The following UBAP1 variants were observed in gnomAD, a reference collection of about 807,000 sequenced individuals.
UBAP1 encodes the protein ubiquitin associated protein 1.
A neutral mutation model predicts 39.0 loss-of-function variants in UBAP1; 5 were observed. The observed-to-expected ratio is 0.13, with a 90% CI of 0.07 to 0.27. The LOEUF is 0.27. Ranked by LOEUF, UBAP1 falls within the 10% of genes least tolerant of loss-of-function variation. The probability of loss-of-function intolerance (pLI) is 1.00; values close to 1 mark genes in which losing one functional copy is unlikely to be tolerated. For missense variants in UBAP1, 490 were observed against 608.1 expected, an observed-to-expected ratio of 0.81 and a Z score of 2.04; for synonymous variants, 211 against 225.1, an observed-to-expected ratio of 0.94 and a Z score of 0.56.
intron 4 of UBAP1, among the ~76,000 whole-genome samples, chr9:34,244,454 T>C (rs1481632158): frequency 4.2e-5 from 4 of 94,508 alleles, no homozygotes; most frequent in Non-Finnish European, 6.3e-5. Context: ...TTAAGTTCTT[T>C]CACTTTACTC....
At chr9:34,220,583 C>T in intron 1 of UBAP1, 1 of 207,952 alleles carries the variant, frequency 4.8e-6, no homozygotes. Flanking sequence ...AGCTCGGCCT[C>T]ACAAAGTACT....
chr9:34,210,233 C>T (rs1831940370), intron 1 of UBAP1, among the ~76,000 whole-genome samples: 2 of 152,066 alleles, frequency 1.3e-5, no homozygotes, highest in Non-Finnish European at 2.9e-5. Context: ...GTGCAGCGGA[C>T]AGTAATAAGG....
chr9:34,205,153 A>T (rs1430063880), intron 1 of UBAP1, among the ~76,000 whole-genome samples: 1 of 152,030 alleles, frequency 6.6e-6, no homozygotes, highest in Non-Finnish European at 1.5e-5. Context: ...AGTAGCTGGG[A>T]CTACAGGTGT....
rs181077724 is a variant in UBAP1, at chr9:34,234,474, A to G, written c.159+134A>G. The G allele has an allele frequency of 2.5e-4, 243 of 989,840 alleles. 2 individuals are homozygous for G. The African/African-American group carries it at 2.9e-3, about 12-fold the overall frequency. 61.3% of individuals were successfully genotyped at this position (989,840 alleles called of 1,614,324 possible). On this transcript the variant is annotated intron_variant, in intron 3 of 6. Transcript: ENST00000297661. ...TGGTCAACGATGGACCACATATACAATGGTGGTCCCATAAAATTATAAGGG... is the reference window on the plus strand; with the variant it reads ...TGGTCAACGATGGACCACATATACAGTGGTGGTCCCATAAAATTATAAGGG...
rs753179377 is a variant in UBAP1, at chr9:34,242,123, T to C, written c.1083+15T>C. 6.4e-7 allele frequency: 1 copy of C among 1,559,400 alleles called. No homozygotes were observed. The highest frequency in any genetic ancestry group is 8.7e-7 in the Non-Finnish European group (1 of 1,148,810). On this transcript the variant is annotated intron_variant, in intron 4 of 6. Transcript: ENST00000297661. ...CTGGTCCCACGGTAAGTCTTTTAAA[T>C]CCCCCGCCGACTCCCATATTTTCCT...
chr9:34,205,834 A>G (rs1831652936), intron 1 of UBAP1, among the ~76,000 whole-genome samples: 1 of 152,156 alleles, frequency 6.6e-6, no homozygotes, highest in Non-Finnish European at 1.5e-5. Context: ...TCTACTAAAA[A>G]TACAAAAATT....
At chr9:34,204,683 C>CT (rs907787953) in intron 1 of UBAP1, among the ~76,000 whole-genome samples, 20 of 151,120 alleles carry the variant, frequency 1.3e-4, no homozygotes, top group Admixed American at 2.6e-4. Context: ...CCTAAAAGTT[C>CT]TTTTTTTTTA....
At chr9:34,198,802 T>G (rs1163544164) in intron 1 of UBAP1, among the ~76,000 whole-genome samples, 2 of 152,218 alleles carry the variant, frequency 1.3e-5, no homozygotes, top group Admixed American at 1.3e-4. Flanking sequence ...CCTTGGGCTT[T>G]CTTTTTCCCA....
intron 2 of UBAP1, 43 bp downstream of exon 2, chr9:34,220,991 C>G: frequency 6.3e-7 from 1 of 1,575,304 alleles, no homozygotes; most frequent in East Asian, 2.2e-5. Flanking sequence ...ATGATTTGAT[C>G]AGAGGATTTG....
intron 1 of UBAP1, among the ~76,000 whole-genome samples, chr9:34,181,893 C>G (rs1051353044): frequency 1.3e-5 from 2 of 150,274 alleles, no homozygotes; most frequent in Non-Finnish European, 2.9e-5. Flanking sequence ...ATTTTGAAGA[C>G]AGAGTATTCT....
chr9:34,241,441 C>T lies in UBAP1; in HGVS notation c.416C>T (p.Ala139Val). ...ACACCAACTCGGGTCAGCAGTAGTGCCACGAAACAGAAAGTTCTCAGCCCA... is the reference window on the plus strand; with the variant it reads ...ACACCAACTCGGGTCAGCAGTAGTGTCACGAAACAGAAAGTTCTCAGCCCA... ...ILTPTRVSSSATKQKVLSPPH... is the reference protein window; with the variant it reads ...ILTPTRVSSSVTKQKVLSPPH... The change falls in exon 4 of 7, where the codon GCC (alanine) becomes GTC (valine). Residue 139 changes from alanine to valine, a missense_variant. By Grantham distance (64) the Ala-to-Val change is moderately conservative. Coordinates refer to ENST00000297661, the MANE Select transcript of UBAP1 (RefSeq NM_016525.5). The T allele has an allele frequency of 1.0e-5, 16 of 1,602,960 alleles. No individual in the cohort carries two copies. The highest frequency in any genetic ancestry group is 1.4e-5 in the Non-Finnish European group (16 of 1,173,876).
chr9:34,196,765 T>C (rs1831084036), intron 1 of UBAP1, among the ~76,000 whole-genome samples: 1 of 152,090 alleles, frequency 6.6e-6, no homozygotes, highest in Non-Finnish European at 1.5e-5. Context: ...TTCAGCTTGA[T>C]TGAGTCTGCT....
chr9:34,232,386 TA>T (rs1398936417), intron 2 of UBAP1, among the ~76,000 whole-genome samples: 1 of 152,206 alleles, frequency 6.6e-6, no homozygotes, highest in East Asian at 1.9e-4. Context: ...TTAGCACATC[TA>T]AAAGGATGAC....
At chr9:34,222,141 A>C (rs531856130) in intron 2 of UBAP1, among the ~76,000 whole-genome samples, 1 of 152,026 alleles carries the variant, frequency 6.6e-6, no homozygotes, top group Admixed American at 6.6e-5. Flanking sequence ...AAATACATAT[A>C]TATATCACAT....
At chr9:34,182,612 TTTCC>T (rs1161880499) in intron 1 of UBAP1, among the ~76,000 whole-genome samples, 5 of 148,480 alleles carry the variant, frequency 3.4e-5, no homozygotes, top group South Asian at 2.1e-4. Context: ...TTTTTCTTTC[TTTCC>T]TTCTTTCTTT....
chr9:34,202,374 C>T (rs889321204), intron 1 of UBAP1, among the ~76,000 whole-genome samples: 2 of 152,044 alleles, frequency 1.3e-5, no homozygotes, highest in African/African-American at 4.8e-5. Context: ...TCAAGTGATC[C>T]TCCCGCCTCA....
At chr9:34,232,463 T>A (rs1031850671) in intron 2 of UBAP1, among the ~76,000 whole-genome samples, 3 of 152,202 alleles carry the variant, frequency 2.0e-5, no homozygotes, top group Non-Finnish European at 4.4e-5. Context: ...AATTACTAAA[T>A]TGATCACAGT....
chr9:34,206,716 A>G (rs977934846), intron 1 of UBAP1, among the ~76,000 whole-genome samples: 13 of 152,130 alleles, frequency 8.5e-5, no homozygotes, highest in Non-Finnish European at 1.0e-4. Flanking sequence ...TAGTATTTCT[A>G]CATTTGGTCA....
intron 1 of UBAP1, among the ~76,000 whole-genome samples, chr9:34,195,295 A>G (rs902693124): frequency 1.6e-4 from 25 of 151,918 alleles, no homozygotes; most frequent in African/African-American, 5.3e-4. Context: ...GAAGTTTTAT[A>G]CTTTCAGGTT....
Sources: gnomAD v4.1 joint callset for allele counts (sites outside exome capture counted in the v4.1 genomes callset) on GRCh38, gnomAD v4.1.1 for gene constraint, MANE v1.5 for transcripts, NCBI Gene and HGNC (gene_info 2026-07-23, HGNC 2026-07-21) for gene names.